Variants in PARP16 observed in about 807,000 individuals in gnomAD.
PARP16 encodes the protein poly(ADP-ribose) polymerase family member 16.
Under a neutral mutation model 35.0 loss-of-function variants are expected in PARP16, and 31 were observed. The observed-to-expected ratio is 0.88, with a 90% CI of 0.66 to 1.19. The LOEUF is 1.19. Ranked by LOEUF, PARP16 falls within the 50% of genes most tolerant of loss-of-function variation. The pLI, the probability that PARP16 is intolerant of heterozygous loss-of-function variation, is 0.00. For missense variants in PARP16, 424 were observed against 411.2 expected, an observed-to-expected ratio of 1.03 and a Z score of -0.27; for synonymous variants, 162 against 169.5, an observed-to-expected ratio of 0.96 and a Z score of 0.34.
intron 2 of PARP16, among the ~76,000 whole-genome samples, chr15:65,269,073 T>C (rs1223298149): frequency 6.6e-6 from 1 of 152,090 alleles, no homozygotes; most frequent in Non-Finnish European, 1.5e-5. Context: ...GAATGGGGAC[T>C]GTAGACCTGT....
At chr15:65,243,315 A>G (rs923076956) in intron 3 of PARP16, among the ~76,000 whole-genome samples, 3 of 151,924 alleles carry the variant, frequency 2.0e-5, no homozygotes, top group Admixed American at 2.0e-4. Context: ...GCAGTGGCGC[A>G]ATCTCAGCTC....
intron 3 of PARP16, among the ~76,000 whole-genome samples, chr15:65,266,198 C>T (rs1462372705): frequency 3.9e-5 from 6 of 152,144 alleles, no homozygotes; most frequent in South Asian, 2.1e-4. Context: ...TGAGCCACTG[C>T]GCCAGGCCTG....
intron 3 of PARP16, among the ~76,000 whole-genome samples, chr15:65,245,365 C>T (rs1440385179): frequency 6.6e-6 from 1 of 152,242 alleles, no homozygotes. Flanking sequence ...AGGGGCAGAA[C>T]ATGAGCCTGT....
At chr15:65,269,142 C>A (rs1433176320) in intron 2 of PARP16, among the ~76,000 whole-genome samples, 1 of 150,406 alleles carries the variant, frequency 6.6e-6, no homozygotes, top group Admixed American at 6.6e-5. Flanking sequence ...CAAGCCAGGA[C>A]AATGGGTCAC....
In PARP16 at chr15:65,266,675, C is replaced by A. The variant is rs762166941; in HGVS notation, c.406G>T (p.Ala136Ser). Residue 136 changes from alanine (A) to serine (S), a missense_variant, in exon 3 of 6, where the codon GCC becomes TCC. Transcript: ENST00000649807. Reference sequence around the variant, plus strand: ...TCTCCTTTGGTCTCATAAAATTTGGCGTTGGCTGGGTCAAAGTACTCAATT... The same window carrying A: ...TCTCCTTTGGTCTCATAAAATTTGGAGTTGGCTGGGTCAAAGTACTCAATT... The part of the protein sequence containing the change: ...FEIEYFDPAN[A>S]KFYETKGERD... 2 of 1,614,020 alleles carry A rather than the reference C, an allele frequency of 1.2e-6. No homozygotes were observed.
At chr15:65,271,440 C>T (rs746882152) in intron 1 of PARP16, among the ~76,000 whole-genome samples, 2 of 151,992 alleles carry the variant, frequency 1.3e-5, no homozygotes, top group Non-Finnish European at 2.9e-5. Flanking sequence ...CGCCTGGCTA[C>T]TTTTCATATT....
At chr15:65,246,499 G>C (rs982710546) in intron 3 of PARP16, among the ~76,000 whole-genome samples, 7 of 152,232 alleles carry the variant, frequency 4.6e-5, no homozygotes, top group African/African-American at 1.7e-4. Context: ...CCGCCTGTCT[G>C]GATGTGCCCA....
intron 2 of PARP16, among the ~76,000 whole-genome samples, chr15:65,250,282 T>G (rs1029340640): frequency 4.6e-5 from 7 of 151,798 alleles, no homozygotes; most frequent in African/African-American, 1.7e-4. Context: ...CATGCCCAGC[T>G]GATTTTTGTG....
At chr15:65,238,361 C>T (rs1051273402) in intron 3 of PARP16, among the ~76,000 whole-genome samples, 1 of 152,192 alleles carries the variant, frequency 6.6e-6, no homozygotes, top group Non-Finnish European at 1.5e-5. Flanking sequence ...GGAGCCCAGG[C>T]ATCCCCAGAG....
chr15:65,240,287 G>A lies in PARP16; in HGVS notation c.*98-5464C>T, dbSNP rs1363029001. ...CAAGTAGCTTGGCGCCCGCCACCAC[G>A]CCTGGCTAGTGTGTGTGTGTGTGGT... On this transcript the variant is annotated intron_variant and NMD_transcript_variant, in intron 3 of 3. Coordinates refer to the PARP16 transcript ENST00000559805. Among the ~76,000 whole-genome samples, 4 of 144,690 alleles carry A rather than the reference G, an allele frequency of 2.8e-5. No individual in the cohort carries two copies. The East Asian group carries it at 8.1e-4, about 29-fold the overall frequency. The allele number at this position is 144,690 out of a possible 152,430, so 94.9% of individuals were successfully genotyped here.
chr15:65,272,642 C>G (rs1458757110), intron 1 of PARP16, among the ~76,000 whole-genome samples: 1 of 152,292 alleles, frequency 6.6e-6, no homozygotes, highest in East Asian at 1.9e-4. Context: ...GCCCATTGCC[C>G]CAGTTCTCCC....
At chr15:65,274,561 G>C (rs1595710821) in intron 1 of PARP16, among the ~76,000 whole-genome samples, 2 of 139,804 alleles carry the variant, frequency 1.4e-5, no homozygotes, top group African/African-American at 4.9e-5. Context: ...GTGACAGAGT[G>C]AAACCCTGTC....
At chr15:65,240,313 G>GTGTGT (rs36061056) in intron 3 of PARP16, among the ~76,000 whole-genome samples, 25 of 92,486 alleles carry the variant, frequency 2.7e-4, no homozygotes, top group East Asian at 7.1e-4. Context: ...TGTGTGTGGT[G>GTGTGT]GGGGGGGCTA....
intron 2 of PARP16, 55 bp from the exon 3 acceptor site, chr15:65,266,823 C>T: frequency 7.9e-7 from 1 of 1,258,582 alleles, no homozygotes. Flanking sequence ...AAATGTGCTG[C>T]AAAAATAGCC....
At chr15:65,268,601 T>C (rs1314714384) in intron 2 of PARP16, among the ~76,000 whole-genome samples, 3 of 152,196 alleles carry the variant, frequency 2.0e-5, no homozygotes, top group Non-Finnish European at 2.9e-5. Flanking sequence ...GCAACTACTA[T>C]GTGCACCTAA....
chr15:65,270,898 C>A, intron 2 of PARP16, 37 bp downstream of exon 2: 3 of 1,606,366 alleles, frequency 1.9e-6, no homozygotes. Context: ...AGCCCTTAGG[C>A]CCCTAAAATC....
At chr15:65,262,603 A>G (rs2089771239) in intron 4 of PARP16, among the ~76,000 whole-genome samples, 1 of 152,162 alleles carries the variant, frequency 6.6e-6, no homozygotes, top group South Asian at 2.1e-4. Context: ...AGGACTCCCC[A>G]GCACCTTGGC....
At chr15:65,262,818 A>T (rs115798846) in intron 4 of PARP16, among the ~76,000 whole-genome samples, 1,577 of 152,254 alleles carry the variant, frequency 0.01, 27 homozygotes, top group African/African-American at 0.036. Flanking sequence ...CTCACTTTTT[A>T]AAAAAATTCA....
intron 2 of PARP16, among the ~76,000 whole-genome samples, chr15:65,250,216 CA>C (rs1408822732): frequency 6.8e-6 from 1 of 146,832 alleles, no homozygotes; most frequent in African/African-American, 2.5e-5. Flanking sequence ...CTCCCAGGTT[CA>C]AGCGATTCTC....
Sources: allele counts gnomAD v4.1 joint callset (sites outside exome capture counted in the v4.1 genomes callset), GRCh38; gene constraint gnomAD v4.1.1; transcripts MANE v1.5; gene names NCBI Gene and HGNC (gene_info 2026-07-23, HGNC 2026-07-21).